The following GOLIM4 variants were observed in gnomAD, a reference collection of about 807,000 sequenced individuals.
The protein encoded by GOLIM4 is golgi integral membrane protein 4, also known as 130 kDa golgi-localized phosphoprotein.
In GOLIM4, 71 loss-of-function variants were observed where a neutral mutation model predicts 107.4. The observed-to-expected ratio is 0.66, with a 90% CI of 0.55 to 0.81. The LOEUF is 0.81. Among genes scored for constraint, GOLIM4 ranks in the 30% least tolerant of loss-of-function variants. GOLIM4 has a pLI of 0.00. For missense variants in GOLIM4, 830 were observed against 826.1 expected, an observed-to-expected ratio of 1.00 and a Z score of -0.06; for synonymous variants, 327 against 294.8, an observed-to-expected ratio of 1.11 and a Z score of -1.12.
At chr3:168,063,931 G>A (rs1330807867) in intron 1 of GOLIM4, among the ~76,000 whole-genome samples, 1 of 152,156 alleles carries the variant, frequency 6.6e-6, no homozygotes, top group Non-Finnish European at 1.5e-5. Flanking sequence ...TGGGTTTTAG[G>A]TGGATAGCAG....
chr3:168,020,674 G>A (rs1455319735), intron 14 of GOLIM4, among the ~76,000 whole-genome samples: 1 of 152,134 alleles, frequency 6.6e-6, no homozygotes, highest in Non-Finnish European at 1.5e-5. Flanking sequence ...TGATTTCAAC[G>A]ACTCTTTAGG....
At chr3:168,047,204 C>A (rs1719353655) in intron 2 of GOLIM4, among the ~76,000 whole-genome samples, 2 of 152,186 alleles carry the variant, frequency 1.3e-5, no homozygotes, top group Non-Finnish European at 2.9e-5. Flanking sequence ...TACCTTACAG[C>A]TGTAAATCTT....
chr3:168,030,797 T>C (rs539054097), intron 9 of GOLIM4, among the ~76,000 whole-genome samples: 19 of 152,256 alleles, frequency 1.2e-4, no homozygotes, highest in African/African-American at 4.1e-4. Context: ...TGAAAAACAG[T>C]ATGGAGGTTC....
At chr3:168,017,591 A>G (rs1348115892) in intron 14 of GOLIM4, among the ~76,000 whole-genome samples, 2 of 152,232 alleles carry the variant, frequency 1.3e-5, no homozygotes, top group Non-Finnish European at 2.9e-5. Flanking sequence ...GGAGGCAGGA[A>G]CTGCCTGTCT....
chr3:168,081,415 G>A (rs910120925), intron 1 of GOLIM4, among the ~76,000 whole-genome samples: 3 of 152,182 alleles, frequency 2.0e-5, no homozygotes, highest in African/African-American at 7.2e-5. Context: ...TGGGAAGGGG[G>A]TAAGGGGTAG....
At chr3:168,052,435 T>C (rs1223693094) in intron 1 of GOLIM4, among the ~76,000 whole-genome samples, 1 of 152,090 alleles carries the variant, frequency 6.6e-6, no homozygotes, top group Non-Finnish European at 1.5e-5. Flanking sequence ...CACACACATA[T>C]ATCTGACTTA....
At chr3:168,044,072 A>G (rs1452914881) in intron 4 of GOLIM4, among the ~76,000 whole-genome samples, 1 of 152,214 alleles carries the variant, frequency 6.6e-6, no homozygotes, top group Non-Finnish European at 1.5e-5. Flanking sequence ...TGTAATCATG[A>G]TCTAGATAAA....
At chr3:168,088,774 T>C (rs1398274288) in intron 1 of GOLIM4, among the ~76,000 whole-genome samples, 1 of 152,246 alleles carries the variant, frequency 6.6e-6, no homozygotes, top group African/African-American at 2.4e-5. Context: ...TCAGTATTCA[T>C]TTCCCCAACT....
chr3:168,048,277 A>T lies in GOLIM4; in HGVS notation c.262+14T>A. Reference sequence around the variant, plus strand: ...ACTGGAAAAACACAGAACACAAATTATGTATTTACTTACCTTCCTTTGCTT... The same window carrying T: ...ACTGGAAAAACACAGAACACAAATTTTGTATTTACTTACCTTCCTTTGCTT... On this transcript the variant is annotated intron_variant, in intron 2 of 15. Transcript: ENST00000470487. 7.9e-7 allele frequency: 1 copy of T among 1,267,808 alleles called. No homozygotes were observed. Among genetic ancestry groups the T allele is most frequent in the Non-Finnish European group, 1.1e-6 (1 of 881,392 alleles). The allele number at this position is 1,267,808 out of a possible 1,614,324, so 78.5% of individuals were successfully genotyped here. A position where few individuals can be genotyped will look rare whatever the true frequency, so the allele number is the denominator to read the frequency against.
chr3:168,066,511 C>T (rs562087281), intron 1 of GOLIM4, among the ~76,000 whole-genome samples: 7 of 152,226 alleles, frequency 4.6e-5, no homozygotes, highest in Admixed American at 1.3e-4. Context: ...AGTTATTCCA[C>T]TAAAGATCTT....
chr3:168,074,898 G>C (rs1202752638), intron 1 of GOLIM4, among the ~76,000 whole-genome samples: 1 of 152,188 alleles, frequency 6.6e-6, no homozygotes, highest in African/African-American at 2.4e-5. Flanking sequence ...CACTGGAATA[G>C]TCCCAGACAG....
intron 1 of GOLIM4, among the ~76,000 whole-genome samples, chr3:168,055,905 G>C (rs1385028108): frequency 6.6e-6 from 1 of 152,154 alleles, no homozygotes; most frequent in Admixed American, 6.5e-5. Flanking sequence ...TGATGAATGT[G>C]ACAGAAAAGA....
At chr3:168,089,849 CCT>C (rs1304544352) in intron 1 of GOLIM4, among the ~76,000 whole-genome samples, 1 of 150,482 alleles carries the variant, frequency 6.6e-6, no homozygotes, top group Non-Finnish European at 1.5e-5. Context: ...CTCACTGCAA[CCT>C]CTGTCTCCCA....
At chr3:168,039,919 C>T (rs1718883807) in intron 7 of GOLIM4, among the ~76,000 whole-genome samples, 1 of 152,196 alleles carries the variant, frequency 6.6e-6, no homozygotes, top group Non-Finnish European at 1.5e-5. Context: ...AAAGGAATCT[C>T]ACAAACACAG....
chr3:168,072,377 TAAA>T (rs547225724), intron 1 of GOLIM4, among the ~76,000 whole-genome samples: 7 of 130,018 alleles, frequency 5.4e-5, no homozygotes, highest in Non-Finnish European at 8.3e-5. Context: ...AGATGTGATT[TAAA>T]AAAAAAAAAA....
At chr3:168,036,495 T>C (rs1315419695) in intron 8 of GOLIM4, among the ~76,000 whole-genome samples, 1 of 152,188 alleles carries the variant, frequency 6.6e-6, no homozygotes, top group Non-Finnish European at 1.5e-5. Flanking sequence ...TGAGCTAAGA[T>C]TGTGCCACTG....
chr3:168,050,737 A>C (rs373241923), intron 1 of GOLIM4, among the ~76,000 whole-genome samples: 66 of 151,854 alleles, frequency 4.3e-4, no homozygotes, highest in African/African-American at 1.5e-3. Context: ...CAAAACTTTC[A>C]AAGAAAGGAA....
In GOLIM4 at chr3:168,044,842, G is replaced by T; in HGVS notation, c.352C>A (p.His118Asn). ...AGATTACTCACTTTCAACATCTGATGTTGGACATTCAGTGCACTGTATCTG... is the reference window on the plus strand; with the variant it reads ...AGATTACTCACTTTCAACATCTGATTTTGGACATTCAGTGCACTGTATCTG... Reference protein sequence around the residue: ...NSRYSALNVQHQMLKSQHEEL... With the variant: ...NSRYSALNVQNQMLKSQHEEL... Residue 118 changes from histidine to asparagine, a missense_variant, in exon 4 of 16, where the codon CAT becomes AAT. By Grantham distance (68) the His-to-Asn change is moderately conservative. Transcript: ENST00000470487. 1 of 1,553,972 alleles carries T rather than the reference G, an allele frequency of 6.4e-7. No individual in the cohort carries two copies. The highest frequency in any genetic ancestry group is 8.8e-7 in the Non-Finnish European group (1 of 1,142,636).
At chr3:168,033,515 G>A (rs1436789571) in intron 8 of GOLIM4, among the ~76,000 whole-genome samples, 1 of 146,632 alleles carries the variant, frequency 6.8e-6, no homozygotes, top group Non-Finnish European at 1.5e-5. Flanking sequence ...GCTGAGGCAG[G>A]AGAATGGCGT....
Sources: gnomAD v4.1 joint callset for allele counts (sites outside exome capture counted in the v4.1 genomes callset) on GRCh38, gnomAD v4.1.1 for gene constraint, MANE v1.5 for transcripts, NCBI Gene and HGNC (gene_info 2026-07-23, HGNC 2026-07-21) for gene names.